The following TAS2R1 variants were observed in gnomAD, a reference collection of about 807,000 sequenced individuals.
The protein encoded by TAS2R1 is taste 2 receptor member 1.
For synonymous variants in TAS2R1, 141 were observed against 134.2 expected (o/e 1.05, Z -0.35); for missense variants, 370 against 353.4 (o/e 1.05, Z -0.38).
At chr5:9,843,677 G>C in the TAS2R1 span, among the ~76,000 whole-genome samples, 7 of 152,318 alleles carry the variant, frequency 4.6e-5, no homozygotes, top group East Asian at 1.3e-3. Flanking sequence ...ACTTAATAAA[G>C]AATGGTAGCC....
the TAS2R1 span, among the ~76,000 whole-genome samples, chr5:9,796,303 A>T: frequency 1.3e-5 from 2 of 152,196 alleles, no homozygotes; most frequent in African/African-American, 4.8e-5. Flanking sequence ...CTCACTGCTC[A>T]TATCTACCCC....
chr5:9,827,918 T>C, the TAS2R1 span, among the ~76,000 whole-genome samples: 1 of 152,212 alleles, frequency 6.6e-6, no homozygotes, highest in Non-Finnish European at 1.5e-5. Context: ...CTACTTCTAA[T>C]CCTTGCATGA....
chr5:9,750,133 C>T, the TAS2R1 span, among the ~76,000 whole-genome samples: 2 of 152,190 alleles, frequency 1.3e-5, no homozygotes, highest in South Asian at 2.1e-4. Context: ...GAGTTTAGGG[C>T]GTTATTCCTC....
At chr5:9,709,200 A>G (rs943255670) in intron 1 of TAS2R1, among the ~76,000 whole-genome samples, 22 of 152,164 alleles carry the variant, frequency 1.4e-4, no homozygotes, top group Admixed American at 3.3e-4. Flanking sequence ...AAAAAAAAAA[A>G]AAAAGAAAAG....
chr5:9,705,936 G>A (rs1033292194), intron 1 of TAS2R1, among the ~76,000 whole-genome samples: 3 of 152,186 alleles, frequency 2.0e-5, no homozygotes, highest in African/African-American at 4.8e-5. Context: ...TGGGCTTGGT[G>A]AGAGGAAGGG....
the TAS2R1 span, chr5:9,862,922 T>G: frequency 6.6e-6 from 1 of 152,218 alleles, no homozygotes; most frequent in Non-Finnish European, 1.5e-5. Flanking sequence ...GCCTTAGATT[T>G]ATTTTAAAAC....
chr5:9,760,753 C>A, the TAS2R1 span, among the ~76,000 whole-genome samples: 1 of 152,152 alleles, frequency 6.6e-6, no homozygotes, highest in African/African-American at 2.4e-5. Context: ...TTGTGAGAAA[C>A]GGAATGCTTT....
At chr5:9,714,079 C>T (rs144210999), upstream of TAS2R1, 1 of 152,308 alleles carries the variant, frequency 6.6e-6, no homozygotes, top group African/African-American at 2.4e-5. Context: ...GCAGCACTCA[C>T]CAAATGCCTC....
chr5:9,880,271 G>A, the TAS2R1 span, among the ~76,000 whole-genome samples: 1 of 152,176 alleles, frequency 6.6e-6, no homozygotes, highest in Non-Finnish European at 1.5e-5. Context: ...ACTGGAGAGT[G>A]AGGCTCTCAC....
At chr5:9,729,490 C>T in the TAS2R1 span, among the ~76,000 whole-genome samples, 7,996 of 152,202 alleles carry the variant, frequency 0.053, 627 homozygotes, top group African/African-American at 0.17. Flanking sequence ...CTTGGGCACA[C>T]GCCTTGGTGA....
At chr5:9,845,017 ATTACATCCTGCTATGGACTGAATAT>A in the TAS2R1 span, among the ~76,000 whole-genome samples, 6 of 152,212 alleles carry the variant, frequency 3.9e-5, no homozygotes, top group African/African-American at 1.4e-4. Flanking sequence ...CCTATTTCCT[ATTACATCCTGCTATGGACTGAATAT>A]TTGTGTCCCT....
At chr5:9,640,999 G>A (rs936966211) in intron 2 of TAS2R1, among the ~76,000 whole-genome samples, 8 of 151,970 alleles carry the variant, frequency 5.3e-5, no homozygotes, top group East Asian at 3.9e-4. Context: ...TACTGATCCC[G>A]TGGTGTGCGC....
At chr5:9,843,028 A>G in the TAS2R1 span, among the ~76,000 whole-genome samples, 1 of 152,242 alleles carries the variant, frequency 6.6e-6, no homozygotes, top group East Asian at 1.9e-4. Context: ...TTCAAATTAC[A>G]AATTTTTGCT....
chr5:9,843,980 T>C, the TAS2R1 span, among the ~76,000 whole-genome samples: 1 of 152,228 alleles, frequency 6.6e-6, no homozygotes, highest in Non-Finnish European at 1.5e-5. Flanking sequence ...CCATGTGAAC[T>C]TCCTCAACAT....
the TAS2R1 span, among the ~76,000 whole-genome samples, chr5:9,756,196 T>A: frequency 6.6e-6 from 1 of 152,160 alleles, no homozygotes; most frequent in East Asian, 1.9e-4. Flanking sequence ...ATCCTTTCCA[T>A]GAGATCTAAG....
intron 1 of TAS2R1, among the ~76,000 whole-genome samples, chr5:9,683,356 C>G (rs1212469357): frequency 1.3e-5 from 2 of 152,164 alleles, no homozygotes; most frequent in Non-Finnish European, 2.9e-5. Context: ...GATGATGATA[C>G]TCACTAGTCA....
At chr5:9,746,103 A>C in the TAS2R1 span, among the ~76,000 whole-genome samples, 1 of 152,238 alleles carries the variant, frequency 6.6e-6, no homozygotes, top group Non-Finnish European at 1.5e-5. Flanking sequence ...AAAGTAGGCA[A>C]AGCATATGAA....
At chr5:9,777,982 G>A in the TAS2R1 span, among the ~76,000 whole-genome samples, 2 of 151,340 alleles carry the variant, frequency 1.3e-5, no homozygotes, top group South Asian at 2.1e-4. Context: ...CCGGGTTCAC[G>A]CCATTCTCCT....
the TAS2R1 span, among the ~76,000 whole-genome samples, chr5:9,857,347 G>A: frequency 6.6e-6 from 1 of 152,146 alleles, no homozygotes; most frequent in Non-Finnish European, 1.5e-5. Flanking sequence ...TTAAGGTGAT[G>A]GATATCTCAA....
Sources: gnomAD v4.1 joint callset for allele counts (sites outside exome capture counted in the v4.1 genomes callset) on GRCh38, gnomAD v4.1.1 for gene constraint, MANE v1.5 for transcripts, NCBI Gene and HGNC (gene_info 2026-07-23, HGNC 2026-07-21) for gene names.